Variants in FDXACB1 observed in about 807,000 individuals in gnomAD.
FDXACB1 encodes ferredoxin-fold anticodon-binding domain-containing protein 1.
Under a neutral mutation model 51.7 loss-of-function variants are expected in FDXACB1, and 41 were observed. The ratio of observed to expected loss-of-function variants is 0.79; its 90% CI spans 0.62 to 1.03. The LOEUF (loss-of-function observed/expected upper bound fraction) is 1.03, where lower values mean the gene tolerates loss of function less well. Ranked by LOEUF, FDXACB1 falls within the 50% of genes least tolerant of loss-of-function variation. The probability of loss-of-function intolerance (pLI) is 0.00; values close to 1 mark genes in which losing one functional copy is unlikely to be tolerated. For synonymous variants in FDXACB1, 273 were observed against 278.6 expected (o/e 0.98, Z 0.20); for missense variants, 697 against 746.4 (o/e 0.93, Z 0.77).
Position 111,875,300 on chromosome 11 carries a change from C to T in FDXACB1, c.1497G>A (p.Trp499Ter). Residue 499 changes from tryptophan to a stop codon, truncating the protein, a stop_gained, in exon 5 of 5, where the codon TGG becomes TGA. Coordinates refer to ENST00000260257, the MANE Select transcript of FDXACB1 (RefSeq NM_138378.3). LOFTEE classifies it high-confidence loss of function. Reference sequence around the variant, plus strand: ...ACAACATTCTCCAGTCAGAGATACACCAGACAAGCATGGCTAATAAGTCCA... The same window carrying T: ...ACAACATTCTCCAGTCAGAGATACATCAGACAAGCATGGCTAATAAGTCCA... ...MNLDLLAMLV[W>*]CISDWRMLWT... 6.2e-7 allele frequency: 1 copy of T among 1,613,814 alleles called. No homozygotes were observed. Among genetic ancestry groups the T allele is most frequent in the Non-Finnish European group, 8.5e-7 (1 of 1,179,856 alleles).
chr11:111,874,798 A>G lies in FDXACB1; in HGVS notation c.*124T>C. ...AAAAAAAGATCAACGAACAGTAGCT[A>G]TGGTCACAAAGTAAAAGATTTTACA... is the stretch of plus-strand genomic sequence containing the variant. On this transcript the variant is annotated 3_prime_UTR_variant, in exon 5 of 5. Transcript: ENST00000260257. 5 of 767,688 alleles carry G rather than the reference A, an allele frequency of 6.5e-6. No homozygotes were observed. The highest frequency in any genetic ancestry group is 1.9e-5 in the South Asian group (1 of 52,008). The allele number at this position is 767,688 out of a possible 1,614,324, so 47.6% of individuals were successfully genotyped here.
In FDXACB1 at chr11:111,878,704, C is replaced by G; in HGVS notation, c.181G>C (p.Val61Leu). The G allele has an allele frequency of 6.2e-7, 1 of 1,609,676 alleles. No homozygotes were observed. The highest frequency in any genetic ancestry group is 8.5e-7 in the Non-Finnish European group (1 of 1,178,224). Residue 61 changes from valine to leucine, a missense_variant, in exon 2 of 5, where the codon GTA (valine) becomes CTA (leucine). Physicochemically the swap from Val to Leu is conservative, Grantham distance 32 (BLOSUM62 1). Around this residue, in one of 3 missense-constraint regions of FDXACB1, gnomAD observed 153 missense variants for 133.5 expected, o/e 1.15. Transcript: ENST00000260257. ...TGGGTGCAGTCCACACCGAAACGTA[C>G]ATCGATACCTGGCAAAGATAGTTTG... is the stretch of plus-strand genomic sequence containing the variant. ...LQCLRERGIDVRFGVDCTQLA... is the reference protein window; with the variant it reads ...LQCLRERGIDLRFGVDCTQLA...
At position 111,874,063 on chromosome 11, in the gene FDXACB1, TA is replaced by T. The variant is rs1208912534; in HGVS notation, c.*858del. The stretch of plus-strand genomic sequence containing the variant: ...GTCAAACAGACCCAAATGTTAACCC[TA>T]AATCTGACACTTTATTCGTTCCATG... On this transcript the variant is annotated 3_prime_UTR_variant, in exon 5 of 5. Transcript: ENST00000260257. The T allele has an allele frequency of 1.3e-5, 2 of 152,192 alleles. No homozygotes were observed. The highest frequency in any genetic ancestry group is 2.9e-5 in the Non-Finnish European group (2 of 68,034). 9.4% of individuals were successfully genotyped at this position (152,192 alleles called of 1,614,324 possible).
intron 4 of FDXACB1, 131 bp from the exon 5 acceptor site, chr11:111,876,235 G>C: frequency 2.1e-6 from 2 of 958,938 alleles, no homozygotes; most frequent in Non-Finnish European, 3.0e-6. Context: ...AGGAAACAAA[G>C]AAATCATCTA....
Position 111,876,965 on chromosome 11 carries a change from A to C in FDXACB1, c.376T>G (p.Cys126Gly). 5 of 1,604,130 alleles carry C rather than the reference A, an allele frequency of 3.1e-6. No individual in the cohort carries two copies. Among genetic ancestry groups the C allele is most frequent in the Non-Finnish European group, 4.3e-6 (5 of 1,174,868 alleles). The part of the protein sequence containing the change: ...AEEGEVHVAL[C>G]RGQGGTPADK... ...GCAGGAGTTCCACCTTGTCCTCTAC[A>C]TAATGCCACGTGGACTTCTCCTTCC... The change falls in exon 3 of 5, where the codon TGT becomes GGT. Residue 126 changes from cysteine to glycine, a missense_variant. Coordinates refer to ENST00000260257, the MANE Select transcript of FDXACB1 (RefSeq NM_138378.3).
In FDXACB1 at chr11:111,875,116, C is replaced by A; in HGVS notation, c.1681G>T (p.Ala561Ser). The change falls in exon 5 of 5, where the codon GCA (alanine) becomes TCA (serine). Residue 561 changes from alanine to serine, a missense_variant. Ala to Ser is a moderately conservative substitution (Grantham distance 99, BLOSUM62 1). Transcript: ENST00000260257. ...GATATAATAGTGTCCTGAGACACTG[C>A]TCGGGCCACAGTGTGAAACTCTAGT... ...DELEFHTVAR[A>S]VSQDTIISIQ... 2 of 1,613,870 alleles carry A rather than the reference C, an allele frequency of 1.2e-6. No homozygotes were observed. Among genetic ancestry groups the A allele is most frequent in the Non-Finnish European group, 1.7e-6 (2 of 1,179,880 alleles).
rs1555161935 is a variant in FDXACB1 at position 111,875,385 on chromosome 11, A to G, written c.1412T>C (p.Ile471Thr). 3.1e-6 allele frequency: 5 copies of G among 1,613,820 alleles called. No homozygotes were observed. Among genetic ancestry groups the G allele is most frequent in the Non-Finnish European group, 4.2e-6 (5 of 1,179,860 alleles). ...CTEDLIIGSV[I>T]TSATSVIHKD... ...ATGTATAACACTAGTGGCAGATGTG[A>G]TAACAGACCCAATAATTAGATCCTC... is the stretch of plus-strand genomic sequence containing the variant. The change falls in exon 5 of 5, where the codon ATC (isoleucine) becomes ACC (threonine). Residue 471 changes from isoleucine (I) to threonine (T), a missense_variant. Around this residue, in one of 3 missense-constraint regions of FDXACB1, gnomAD observed 538 missense variants for 592.2 expected, o/e 0.91. Coordinates refer to ENST00000260257, the MANE Select transcript of FDXACB1 (RefSeq NM_138378.3).
At position 111,875,240 on chromosome 11, in the gene FDXACB1, G is replaced by C; in HGVS notation, c.1557C>G (p.Val519=). The C allele has an allele frequency of 1.9e-6, 3 of 1,613,860 alleles. No homozygotes were observed. Among genetic ancestry groups the C allele is most frequent in the Non-Finnish European group, 2.5e-6 (3 of 1,179,876 alleles). The part of the protein sequence containing the change: ...TFDNRFLKNF[V]PGKIEPFKSH... Reference sequence around the variant, plus strand: ...TTTTAAAGGGTTCTATTTTGCCAGGGACAAAATTTTTCAGGAAACGGTTAT... The same window carrying C: ...TTTTAAAGGGTTCTATTTTGCCAGGCACAAAATTTTTCAGGAAACGGTTAT... Residue 519 remains valine (V), a synonymous_variant, in exon 5 of 5, where the codon GTC becomes GTG. Transcript: ENST00000260257.
rs782651951 is a variant in FDXACB1, at chr11:111,875,073, C to T, written c.1724G>A (p.Arg575His). Residue 575 changes from arginine (R) to histidine (H), a missense_variant, in exon 5 of 5, where the codon CGT becomes CAT. Physicochemically the swap from Arg to His is conservative, Grantham distance 29. Transcript: ENST00000260257. ...DTIISIQFLS[R>H]FQHPKTQQVS... ...CTGTTGAGTCTTTGGATGCTGGAAA[C>T]GGCTAAGAAACTGTATGGATATAAT... is the stretch of plus-strand genomic sequence containing the variant. 1.1e-5 allele frequency: 17 copies of T among 1,613,780 alleles called. No individual in the cohort carries two copies. The East Asian group carries it at 1.1e-4, about 11-fold the overall frequency.
intron 3 of FDXACB1, 25 bp downstream of exon 3, chr11:111,876,783 G>A (rs782482760): frequency 1.9e-6 from 3 of 1,609,762 alleles, no homozygotes. Context: ...AAACGCAGAA[G>A]GCTTAAACCT....
intron 2 of FDXACB1, among the ~76,000 whole-genome samples, chr11:111,877,512 C>CTTTTTTTTTT (rs35506169): frequency 9.4e-6 from 1 of 106,916 alleles, no homozygotes. Context: ...CTGTTAGTTA[C>CTTTTTTTTTT]TTTTTTTTTT....
chr11:111,876,757 T>C (rs1964824538), intron 3 of FDXACB1, 51 bp downstream of exon 3: 3 of 1,598,492 alleles, frequency 1.9e-6, no homozygotes, highest in Non-Finnish European at 2.6e-6. Flanking sequence ...TTTGTTATCA[T>C]TAGTGAGAGA....
Position 111,874,964 on chromosome 11 carries a change from A to T in FDXACB1, c.1833T>A (p.Phe611Leu), listed in dbSNP as rs1555161824. The T allele has an allele frequency of 6.2e-7, 1 of 1,613,978 alleles. No homozygotes were observed. Among genetic ancestry groups the T allele is most frequent in the Admixed American group, 1.7e-5 (1 of 60,026 alleles). The change falls in exon 5 of 5, where the codon TTT (phenylalanine) becomes TTA (leucine). Residue 611 changes from phenylalanine to leucine, a missense_variant. Transcript: ENST00000260257. Reference sequence around the variant, plus strand: ...ATAGGTGTTGTTGAATCTCCTTCCTAAACTGGGACTGCATTGATGCTACTT... The same window carrying T: ...ATAGGTGTTGTTGAATCTCCTTCCTTAACTGGGACTGCATTGATGCTACTT... Reference protein sequence around the residue: ...QQQVASMQSQFRKEIQQHLYV... With the variant: ...QQQVASMQSQLRKEIQQHLYV...
Position 111,875,680 on chromosome 11 carries a change from T to C in FDXACB1, c.1117A>G (p.Ser373Gly), listed in dbSNP as rs781891264. 1 of 1,613,584 alleles carries C rather than the reference T, an allele frequency of 6.2e-7. No individual in the cohort carries two copies. The highest frequency in any genetic ancestry group is 1.7e-5 in the Admixed American group (1 of 59,964). The stretch of plus-strand genomic sequence containing the variant: ...TGGCACTTCTGAAAGACAGGTCCAC[T>C]GAGGATGTGCAGAGAACCTGAGAGG... ...DFLSGSLHILSGPVFQKCHIL... is the reference protein window; with the variant it reads ...DFLSGSLHILGGPVFQKCHIL... Residue 373 changes from serine (S) to glycine (G), a missense_variant, in exon 5 of 5, where the codon AGT (serine) becomes GGT (glycine). Ser to Gly is a moderately conservative substitution (Grantham distance 56). This residue lies in a region of FDXACB1 where 538 missense variants were observed against 592.2 expected (regional missense o/e 0.91). Coordinates refer to ENST00000260257, the MANE Select transcript of FDXACB1 (RefSeq NM_138378.3).
At chr11:111,877,963 G>C (rs1180353670) in intron 2 of FDXACB1, among the ~76,000 whole-genome samples, 1 of 151,992 alleles carries the variant, frequency 6.6e-6, no homozygotes, top group African/African-American at 2.4e-5. Context: ...CAAGGCAGGC[G>C]GATCACAAGG....
rs191646487 is a variant in FDXACB1, at chr11:111,874,691, C to T, written c.*231G>A. 2 of 476,034 alleles carry T rather than the reference C, an allele frequency of 4.2e-6. No individual in the cohort carries two copies. Among genetic ancestry groups the T allele is most frequent in the East Asian group, 3.8e-5 (1 of 26,456 alleles). The allele number at this position is 476,034 out of a possible 1,614,324, so 29.5% of individuals were successfully genotyped here. A position where few individuals can be genotyped will look rare whatever the true frequency, so the allele number is the denominator to read the frequency against. On this transcript the variant is annotated 3_prime_UTR_variant, in exon 5 of 5. Coordinates refer to ENST00000260257, the MANE Select transcript of FDXACB1 (RefSeq NM_138378.3). ...AATGGCATGAACCTGGGAGGTGGAG[C>T]TTATAGTGAGCTGATATCATGCCAC...
In FDXACB1 at chr11:111,875,625, TG is replaced by T; in HGVS notation, c.1171del (p.His391MetfsTer13). On this transcript the variant is annotated frameshift_variant, in exon 5 of 5. Transcript: ENST00000260257. LOFTEE classifies it high-confidence loss of function. The stretch of plus-strand genomic sequence containing the variant: ...AACCCCAAGGATAAATAAAGTTTCA[TG>T]AAATGCTGGCATTGTGAAAGGCAAA... Reference protein sequence around the residue: ...HILPFTMPAFHETLFILGVNQ... With the variant: ...HILPFTMPAFXETLFILGVNQ... 6.2e-7 allele frequency: 1 copy of T among 1,612,956 alleles called. No individual in the cohort carries two copies. The highest frequency in any genetic ancestry group is 8.5e-7 in the Non-Finnish European group (1 of 1,179,766).
At position 111,875,848 on chromosome 11, in the gene FDXACB1, A is replaced by C. The variant is rs1314649956; in HGVS notation, c.949T>G (p.Ser317Ala). ...TTGAGAAGGCTAAGTTCTGAAAATG[A>C]CACTAGAAAGTCTTCCACATCTTGT... is the stretch of plus-strand genomic sequence containing the variant. ...TSQDVEDFLV[S>A]FSELSLLKNP... Residue 317 changes from serine (S) to alanine (A), a missense_variant, in exon 5 of 5, where the codon TCA becomes GCA. By Grantham distance (99) the Ser-to-Ala change is moderately conservative. Transcript: ENST00000260257. 6.2e-7 allele frequency: 1 copy of C among 1,613,648 alleles called. No individual in the cohort carries two copies.
Position 111,874,821 on chromosome 11 carries a change from A to T in FDXACB1, c.*101T>A. The T allele has an allele frequency of 9.5e-7, 1 of 1,049,590 alleles. No homozygotes were observed. The highest frequency in any genetic ancestry group is 1.4e-6 in the Non-Finnish European group (1 of 738,344). 65.0% of individuals were successfully genotyped at this position (1,049,590 alleles called of 1,614,324 possible). The stretch of plus-strand genomic sequence containing the variant: ...CTATGGTCACAAAGTAAAAGATTTT[A>T]CAAAAACAAAAATCCAGAAAGGACT... On this transcript the variant is annotated 3_prime_UTR_variant, in exon 5 of 5. Transcript: ENST00000260257.
Sources: allele counts gnomAD v4.1 joint callset (sites outside exome capture counted in the v4.1 genomes callset), GRCh38; gene constraint gnomAD v4.1.1; regional missense constraint gnomAD v4.1.1; transcripts MANE v1.5; gene names NCBI Gene and HGNC (gene_info 2026-07-23, HGNC 2026-07-21).